The following DOP1A variants were observed in gnomAD, a reference collection of about 807,000 sequenced individuals.
The protein encoded by DOP1A is protein DOP1A.
A neutral mutation model predicts 267.6 loss-of-function variants in DOP1A; 90 were observed. The ratio of observed to expected loss-of-function variants is 0.34; its 90% confidence interval spans 0.28 to 0.40. DOP1A has a LOEUF of 0.40. DOP1A is among the 10% of genes least tolerant of loss of function. DOP1A has a pLI of 1.00. For synonymous variants in DOP1A, 932 were observed against 999.1 expected (o/e 0.93, Z 1.27); for missense variants, 2,437 against 2,900.4 (o/e 0.84, Z 3.67).
At chr6:83,140,614 CAG>C (rs1339465412) in intron 23 of DOP1A, among the ~76,000 whole-genome samples, 1 of 152,160 alleles carries the variant, frequency 6.6e-6, no homozygotes, top group Non-Finnish European at 1.5e-5. Flanking sequence ...AGTAAATTTA[CAG>C]AGTTGTGAAC....
chr6:83,103,395 G>A (rs2128144309), intron 4 of DOP1A, among the ~76,000 whole-genome samples: 1 of 152,176 alleles, frequency 6.6e-6, no homozygotes, highest in South Asian at 2.1e-4. Context: ...TACACTGCTT[G>A]GGTGATGGGT....
At chr6:83,074,907 T>A (rs565865929) in intron 1 of DOP1A, among the ~76,000 whole-genome samples, 1 of 152,190 alleles carries the variant, frequency 6.6e-6, no homozygotes, top group Non-Finnish European at 1.5e-5. Context: ...TACGGTATTT[T>A]CAACTTAGGA....
At chr6:83,164,803 AG>A (rs1785067028) in intron 38 of DOP1A, 2 of 1,080,262 alleles carry the variant, frequency 1.9e-6, no homozygotes, top group African/African-American at 1.6e-5. Context: ...AATGTCAACA[AG>A]TACAAGGGAG....
chr6:83,089,492 T>C (rs1769938637), intron 1 of DOP1A, among the ~76,000 whole-genome samples: 1 of 152,188 alleles, frequency 6.6e-6, no homozygotes. Flanking sequence ...AAATTATGTT[T>C]CATGACAATT....
intron 1 of DOP1A, among the ~76,000 whole-genome samples, chr6:83,084,257 T>C (rs932562556): frequency 6.6e-6 from 1 of 152,220 alleles, no homozygotes; most frequent in African/African-American, 2.4e-5. Flanking sequence ...TGTGTTACAG[T>C]TACCTACAGT....
In DOP1A at chr6:83,125,547, CAGAATGATTTCTGCCTTGACAAGCCATCT is replaced by C; in HGVS notation, c.1534_1562del (p.Arg512ProfsTer7). The C allele has an allele frequency of 6.2e-7, 1 of 1,613,672 alleles. No homozygotes were observed. Among genetic ancestry groups the C allele is most frequent in the African/African-American group, 1.3e-5 (1 of 74,990 alleles). ...CAGAACACTTGCCCCAGTTGCTGCT[CAGAATGATTTCTGCCTTGACAAGCCATCT>C]CCAGACATTGCACTTATCTGAACTC... On this transcript the variant is annotated frameshift_variant, in exon 15 of 39. Transcript: ENST00000349129. LOFTEE classifies it high-confidence loss of function.
intron 30 of DOP1A, among the ~76,000 whole-genome samples, chr6:83,152,848 C>T (rs1320994845): frequency 6.6e-6 from 1 of 152,046 alleles, no homozygotes; most frequent in Non-Finnish European, 1.5e-5. Context: ...GAACTCCTGA[C>T]CTCAGGTAAT....
chr6:83,159,658 C>A, intron 36 of DOP1A, 138 bp from the exon 37 acceptor site: 1 of 931,600 alleles, frequency 1.1e-6, no homozygotes, highest in Non-Finnish European at 1.7e-6. Flanking sequence ...GACATTTCAT[C>A]ATGACCTTGC....
intron 1 of DOP1A, among the ~76,000 whole-genome samples, chr6:83,095,821 G>A (rs190134459): frequency 2.1e-4 from 32 of 152,212 alleles, no homozygotes; most frequent in Non-Finnish European, 3.5e-4. Context: ...CTGCTTCTAA[G>A]GTGGCTTACT....
At chr6:83,124,957 A>G (rs1172367261) in intron 13 of DOP1A, 138 bp downstream of exon 13, 2 of 861,616 alleles carry the variant, frequency 2.3e-6, no homozygotes, top group Non-Finnish European at 3.6e-6. Context: ...CTTTTTTCAT[A>G]AGATCTTTCA....
At chr6:83,148,202 A>C (rs952190211) in intron 26 of DOP1A, among the ~76,000 whole-genome samples, 29 of 152,014 alleles carry the variant, frequency 1.9e-4, no homozygotes, top group African/African-American at 6.8e-4. Context: ...TCACGAACTC[A>C]GGAGATCAAG....
chr6:83,136,462 A>G (rs1375584410), intron 20 of DOP1A, among the ~76,000 whole-genome samples: 2 of 152,132 alleles, frequency 1.3e-5, no homozygotes, highest in African/African-American at 2.4e-5. Flanking sequence ...AGACTCTCAC[A>G]TATGTCATTT....
intron 17 of DOP1A, 119 bp downstream of exon 17, chr6:83,130,516 A>G (rs1777849057): frequency 6.6e-6 from 8 of 1,214,834 alleles, no homozygotes; most frequent in Middle Eastern, 2.9e-4. Flanking sequence ...AACACCTCTT[A>G]ATAGGCCATA....
rs111753879 is a variant in DOP1A, at chr6:83,115,649, G to A, written c.780+2228G>A. Among the ~76,000 whole-genome samples, 1,140 of 152,250 alleles carry A rather than the reference G, an allele frequency of 7.5e-3. 19 individuals are homozygous for A. The highest frequency in any genetic ancestry group is 0.026 in the African/African-American group (1,076 of 41,552). ...TGAGGCAGGAGAATGGCGTGAACCC[G>A]GGAGGGGGAGCTTGCAGTGAGCAAG... On this transcript the variant is annotated intron_variant, in intron 7 of 38. Transcript: ENST00000349129.
Position 83,115,242 on chromosome 6 carries a change from GC to G in DOP1A, c.780+1822del, listed in dbSNP as rs1184126843. ...TGGTGATATCAATTGTAATCAAGAAGCAACTTCTTTTTTAAATTTATTTTTT... is the reference window on the plus strand; with the variant it reads ...TGGTGATATCAATTGTAATCAAGAAGAACTTCTTTTTTAAATTTATTTTTT... On this transcript the variant is annotated intron_variant, in intron 7 of 38. Transcript: ENST00000349129. Among the ~76,000 whole-genome samples the G allele has an allele frequency of 4.6e-5, 7 of 152,170 alleles. No individual in the cohort carries two copies. The South Asian group carries it at 6.2e-4, about 14-fold the overall frequency.
At chr6:83,112,170 C>G (rs1370866595) in intron 6 of DOP1A, among the ~76,000 whole-genome samples, 1 of 151,484 alleles carries the variant, frequency 6.6e-6, no homozygotes, top group African/African-American at 2.4e-5. Flanking sequence ...ATATCACAGT[C>G]AAAGGAGTAT....
In DOP1A at chr6:83,139,003, G is replaced by T. The variant is rs1220295594; in HGVS notation, c.4961G>T (p.Cys1654Phe). Residue 1654 changes from cysteine to phenylalanine, a missense_variant, in exon 21 of 39, where the codon TGT (cysteine) becomes TTT (phenylalanine). Around this residue, in one of 9 missense-constraint regions of DOP1A, gnomAD observed 307 missense variants for 308.6 expected, o/e 0.99. Coordinates refer to ENST00000349129, the MANE Select transcript of DOP1A (RefSeq NM_015018.4). Reference protein sequence around the residue: ...VIRALHQHCACKMHPQWIGLI... With the variant: ...VIRALHQHCAFKMHPQWIGLI... Reference sequence around the variant, plus strand: ...CGAGCTTTGCATCAGCACTGTGCATGTAAGATGCACCCACAATGGATTGGT... The same window carrying T: ...CGAGCTTTGCATCAGCACTGTGCATTTAAGATGCACCCACAATGGATTGGT... 4 of 1,613,994 alleles carry T rather than the reference G, an allele frequency of 2.5e-6. No individual in the cohort carries two copies. The highest frequency in any genetic ancestry group is 1.3e-5 in the African/African-American group (1 of 74,932).
intron 4 of DOP1A, among the ~76,000 whole-genome samples, chr6:83,104,980 A>G (rs568389850): frequency 3.3e-5 from 5 of 152,174 alleles, no homozygotes; most frequent in South Asian, 2.1e-4. Flanking sequence ...TGACCACCCT[A>G]TTTAGAACCT....
intron 1 of DOP1A, among the ~76,000 whole-genome samples, chr6:83,090,380 C>T (rs1462866436): frequency 3.9e-5 from 6 of 152,104 alleles, no homozygotes; most frequent in Admixed American, 2.0e-4. Flanking sequence ...GAGGCCCTAC[C>T]GTCTACTGCC....
Sources: allele counts gnomAD v4.1 joint callset (sites outside exome capture counted in the v4.1 genomes callset), GRCh38; gene constraint gnomAD v4.1.1; regional missense constraint gnomAD v4.1.1; transcripts MANE v1.5; gene names NCBI Gene and HGNC (gene_info 2026-07-23, HGNC 2026-07-21).